CFAP119: variants seen among roughly 807,000 people sequenced by gnomAD.
CFAP119 encodes cilia- and flagella-associated protein 119.
At chr16:30,760,715 GA>G in the CFAP119 span, 1 of 1,529,330 alleles carries the variant, frequency 6.5e-7, no homozygotes, top group East Asian at 2.4e-5. Flanking sequence ...TACCTATCAT[GA>G]CAAGGCTGTG....
At chr16:30,761,059 T>C in the CFAP119 span, 3 of 988,802 alleles carry the variant, frequency 3.0e-6, no homozygotes, top group East Asian at 7.8e-5. Context: ...GAAAGCCAAC[T>C]TCCAGTCACC....
At chr16:30,760,734 G>C in the CFAP119 span, 1 of 1,440,322 alleles carries the variant, frequency 6.9e-7, no homozygotes, top group Non-Finnish European at 9.5e-7. Flanking sequence ...GTGACAGCTA[G>C]TGCGTGAGAC....
the CFAP119 span, chr16:30,761,473 A>C: frequency 1.3e-6 from 2 of 1,525,240 alleles, no homozygotes; most frequent in Non-Finnish European, 1.8e-6. Context: ...TAGTAAGCAT[A>C]ATGACAGGTG....
chr16:30,760,880 AT>A, the CFAP119 span: 1 of 622,232 alleles, frequency 1.6e-6, no homozygotes. Context: ...GGAATCTTGA[AT>A]TCTTTTTTCT....
At chr16:30,758,755 G>A in the CFAP119 span, 1 of 531,740 alleles carries the variant, frequency 1.9e-6, no homozygotes, top group Non-Finnish European at 3.3e-6. Flanking sequence ...GGGTTTCACG[G>A]TGTTGCCCAG....
the CFAP119 span, chr16:30,760,022 A>G: frequency 6.7e-7 from 1 of 1,484,696 alleles, no homozygotes. Flanking sequence ...GCTATTAAAC[A>G]TTCTAAAGCA....
At chr16:30,761,882 C>A in the CFAP119 span, 1 of 898,844 alleles carries the variant, frequency 1.1e-6, no homozygotes, top group South Asian at 1.8e-5. Flanking sequence ...CGGAGAGGCG[C>A]GGCGGGGCGA....
At chr16:30,759,533 A>G in the CFAP119 span, 1 of 1,614,186 alleles carries the variant, frequency 6.2e-7, no homozygotes, top group South Asian at 1.1e-5. Context: ...GCCCAGCAAC[A>G]GGAGCAAGGA....
At chr16:30,759,356 C>T in the CFAP119 span, 57 of 1,613,974 alleles carry the variant, frequency 3.5e-5, no homozygotes, top group East Asian at 4.0e-4. Flanking sequence ...GGTGTGAAGA[C>T]GTATTTATAG....
the CFAP119 span, chr16:30,759,750 G>T: frequency 6.3e-7 from 1 of 1,589,692 alleles, no homozygotes; most frequent in Non-Finnish European, 8.6e-7. Flanking sequence ...AGATGCAGCA[G>T]TGAGGCCCTC....
chr16:30,758,926 A>G, the CFAP119 span: 1 of 1,547,866 alleles, frequency 6.5e-7, no homozygotes. Flanking sequence ...CTAAAAACAA[A>G]AAGTCTGAAG....
At chr16:30,759,186 C>G in the CFAP119 span, 1 of 1,614,210 alleles carries the variant, frequency 6.2e-7, no homozygotes, top group Admixed American at 1.7e-5. Flanking sequence ...ACCCGTCTCA[C>G]TCTCTGGCCA....
chr16:30,760,150 C>CT, the CFAP119 span: 1 of 1,577,130 alleles, frequency 6.3e-7, no homozygotes, highest in South Asian at 1.1e-5. Context: ...AAGCTGATGG[C>CT]TTGTGTATGA....
chr16:30,760,689 G>A, the CFAP119 span: 1 of 1,549,954 alleles, frequency 6.5e-7, no homozygotes, highest in Non-Finnish European at 8.7e-7. Flanking sequence ...AAAAGAAAAA[G>A]AGTATTGGTG....
the CFAP119 span, chr16:30,757,693 T>G: frequency 1.3e-6 from 2 of 1,573,700 alleles, no homozygotes; most frequent in Non-Finnish European, 1.7e-6. Context: ...TGAGGAGAGA[T>G]GCTGTCTGGC....
At chr16:30,758,763 C>T in the CFAP119 span, 1 of 565,426 alleles carries the variant, frequency 1.8e-6, no homozygotes, top group Non-Finnish European at 3.1e-6. Context: ...CGGTGTTGCC[C>T]AGGCTGGTCG....
chr16:30,761,449 G>A, the CFAP119 span: 37 of 1,500,272 alleles, frequency 2.5e-5, no homozygotes, highest in Non-Finnish European at 3.3e-5. Context: ...CAGCCCGGGA[G>A]ACGTCCCGAA....
chr16:30,761,634 C>T, the CFAP119 span: 1 of 1,536,096 alleles, frequency 6.5e-7, no homozygotes, highest in South Asian at 1.2e-5. Flanking sequence ...GTCCGCGCGG[C>T]CGACCCATGC....
chr16:30,761,299 G>A, the CFAP119 span: 2 of 1,600,174 alleles, frequency 1.2e-6, no homozygotes, highest in East Asian at 2.2e-5. Context: ...CCAGCAGGCC[G>A]GAGAAGCCGC....
Sources: allele counts gnomAD v4.1 joint callset, GRCh38; gene constraint gnomAD v4.1.1; transcripts MANE v1.5; gene names NCBI Gene and HGNC (gene_info 2026-07-23, HGNC 2026-07-21).